The following KIF20B variants were observed in gnomAD, a reference collection of about 807,000 sequenced individuals.
The protein encoded by KIF20B is kinesin family member 20B, also known as kinesin-like protein KIF20B.
In KIF20B, 188 loss-of-function variants were observed where a neutral mutation model predicts 232.5. The observed-to-expected ratio is 0.81, with a 90% CI of 0.72 to 0.91. The LOEUF (loss-of-function observed/expected upper bound fraction) is 0.91. KIF20B is among the 40% of genes least tolerant of loss of function. The probability of loss-of-function intolerance (pLI) is 0.00; values close to 1 mark genes in which losing one functional copy is unlikely to be tolerated. For missense variants in KIF20B, 2,154 were observed against 2,055.9 expected (o/e 1.05, Z -0.92); for synonymous variants, 712 against 683.0 (o/e 1.04, Z -0.66).
chr10:89,745,782 C>G (rs780013759), intron 22 of KIF20B, 117 bp from the exon 23 acceptor site: 19 of 663,578 alleles, frequency 2.9e-5, no homozygotes, highest in Non-Finnish European at 4.5e-5. Context: ...AGCTGGTATA[C>G]CAGCTATATA....
At chr10:89,733,281 C>CT in intron 19 of KIF20B, 1 of 418,140 alleles carries the variant, frequency 2.4e-6, no homozygotes, top group Non-Finnish European at 4.3e-6. Context: ...TTTATTATTT[C>CT]TTTCGCAGTC....
At chr10:89,734,739 G>A (rs1589865253) in intron 19 of KIF20B, among the ~76,000 whole-genome samples, 1 of 152,300 alleles carries the variant, frequency 6.6e-6, no homozygotes, top group East Asian at 1.9e-4. Flanking sequence ...GAGCCTGTGA[G>A]AGGCAGGCTA....
At chr10:89,764,883 A>C (rs1234017439) in intron 29 of KIF20B, among the ~76,000 whole-genome samples, 1 of 151,982 alleles carries the variant, frequency 6.6e-6, no homozygotes, top group Non-Finnish European at 1.5e-5. Context: ...TTTGCTGTGC[A>C]GAAGCTCTTT....
intron 19 of KIF20B, among the ~76,000 whole-genome samples, chr10:89,735,535 CT>C (rs397947713): frequency 0.033 from 3,584 of 108,050 alleles, 104 homozygotes; most frequent in East Asian, 0.23. Context: ...TAGTAAGTGT[CT>C]TTTTTTTTTT....
chr10:89,737,899 A>G lies in KIF20B; in HGVS notation c.3058A>G (p.Asn1020Asp). 6.2e-7 allele frequency: 1 copy of G among 1,613,470 alleles called. No individual in the cohort carries two copies. Among genetic ancestry groups the G allele is most frequent in the Non-Finnish European group, 8.5e-7 (1 of 1,179,556 alleles). ...RDLSNGSEEDNLPNTQLDLLG... is the reference protein window; with the variant it reads ...RDLSNGSEEDDLPNTQLDLLG... ...TCTGTCAAATGGTTCTGAGGAGGAT[A>G]ATTTGCCAAATACACAGTTAGACCT... Residue 1020 changes from asparagine to aspartate, a missense_variant, in exon 20 of 33, where the codon AAT becomes GAT. By Grantham distance (23) the Asn-to-Asp change is conservative. Transcript: ENST00000371728.
At chr10:89,701,898 G>C (rs1842617990) in intron 1 of KIF20B, among the ~76,000 whole-genome samples, 1 of 152,136 alleles carries the variant, frequency 6.6e-6, no homozygotes, top group African/African-American at 2.4e-5. Context: ...TTTAAATCTC[G>C]CCTCCACTGC....
At chr10:89,772,155 T>C (rs1842476038) in intron 31 of KIF20B, among the ~76,000 whole-genome samples, 2 of 152,204 alleles carry the variant, frequency 1.3e-5, no homozygotes, top group African/African-American at 4.8e-5. Flanking sequence ...ACTATGTACA[T>C]AGTAAGGAAT....
At position 89,726,389 on chromosome 10, in the gene KIF20B, A is replaced by C. The variant is rs753225098; in HGVS notation, c.2098A>C (p.Ile700Leu). 1.9e-6 allele frequency: 3 copies of C among 1,576,330 alleles called. No individual in the cohort carries two copies. The highest frequency in any genetic ancestry group is 2.6e-6 in the Non-Finnish European group (3 of 1,158,598). The change falls in exon 16 of 33, where the codon ATT (isoleucine) becomes CTT (leucine). Residue 700 changes from isoleucine to leucine, a missense_variant. Transcript: ENST00000371728. ...ACAGGCTGAAATTGCTCACTTATAT[A>C]TTGCATCTCTTCCTGACCCCCAGGA... ...KKQAEIAHLY[I>L]ASLPDPQEAT...
At chr10:89,768,173 C>A in intron 29 of KIF20B, 117 bp from the exon 30 acceptor site, 1 of 669,992 alleles carries the variant, frequency 1.5e-6, no homozygotes, top group Non-Finnish European at 2.6e-6. Context: ...AAATTGCCCT[C>A]GGTTAAGAGT....
intron 25 of KIF20B, 49 bp downstream of exon 25, chr10:89,752,740 T>C (rs1348255461): frequency 7.6e-7 from 1 of 1,313,918 alleles, no homozygotes; most frequent in Non-Finnish European, 1.0e-6. Flanking sequence ...GTCTTCATTA[T>C]ATTTCTAATA....
chr10:89,766,990 T>C lies in KIF20B; in HGVS notation c.4990-1300T>C, dbSNP rs188397723. The stretch of plus-strand genomic sequence containing the variant: ...GAAGGTTAAAATATAAATATTTTAT[T>C]AATTTTACTATTGGCATATATCCCT... On this transcript the variant is annotated intron_variant, in intron 29 of 32. Transcript: ENST00000371728. Among the ~76,000 whole-genome samples, 7 of 152,062 alleles carry C rather than the reference T, an allele frequency of 4.6e-5. No homozygotes were observed. The East Asian group carries it at 1.4e-3, about 29-fold the overall frequency.
intron 7 of KIF20B, 133 bp downstream of exon 7, chr10:89,714,216 C>T: frequency 2.6e-6 from 1 of 391,656 alleles, no homozygotes. Flanking sequence ...CGCGGTGGCT[C>T]ATGCCTGTAA....
chr10:89,763,041 G>A (rs1842278708), intron 29 of KIF20B, among the ~76,000 whole-genome samples: 1 of 152,130 alleles, frequency 6.6e-6, no homozygotes, highest in Non-Finnish European at 1.5e-5. Context: ...CAGCACTTTG[G>A]GAGGCTGGGG....
chr10:89,738,000 C>T lies in KIF20B; in HGVS notation c.3159C>T (p.Phe1053=). 1.9e-6 allele frequency: 3 copies of T among 1,612,970 alleles called. No homozygotes were observed. Among genetic ancestry groups the T allele is most frequent in the Non-Finnish European group, 2.5e-6 (3 of 1,179,296 alleles). The part of the protein sequence containing the change: ...RIQEPNRENS[F]HSSIEAIWEE... ...AAGAACCCAATAGGGAAAATTCTTT[C>T]CACTCTAGTATTGAAGCTATTTGGG... Residue 1053 remains phenylalanine (F), a synonymous_variant, in exon 20 of 33, where the codon TTC becomes TTT. Coordinates refer to ENST00000371728, the MANE Select transcript of KIF20B (RefSeq NM_001284259.2).
At chr10:89,723,854 C>A in intron 13 of KIF20B, 110 bp from the exon 14 acceptor site, 2 of 892,990 alleles carry the variant, frequency 2.2e-6, no homozygotes, top group South Asian at 3.7e-5. Flanking sequence ...AAAAAGGACA[C>A]AGAATTACAA....
chr10:89,751,654 A>C (rs528010904), intron 24 of KIF20B, among the ~76,000 whole-genome samples, 183 bp downstream of exon 24: 12 of 135,618 alleles, frequency 8.8e-5, no homozygotes, highest in African/African-American at 3.6e-4. Flanking sequence ...TTTCACTAAA[A>C]TTATATGCAG....
intron 30 of KIF20B, 24 bp downstream of exon 30, chr10:89,768,415 A>G (rs756253393): frequency 5.3e-6 from 7 of 1,310,824 alleles, no homozygotes; most frequent in African/African-American, 3.0e-5. Flanking sequence ...TTTGTCCAAA[A>G]TTGTAGCAAT....
chr10:89,734,221 C>T (rs1215776238), intron 19 of KIF20B, among the ~76,000 whole-genome samples: 1 of 152,012 alleles, frequency 6.6e-6, no homozygotes, highest in African/African-American at 2.4e-5. Flanking sequence ...ACCAGCCTGA[C>T]CAACGTGATG....
In KIF20B at chr10:89,758,172, A is replaced by G. The variant is rs183274782; in HGVS notation, c.4504-534A>G. 1.7e-3 allele frequency among the ~76,000 whole-genome samples: 256 copies of G among 152,118 alleles called. 1 individual carries two copies. The highest frequency in any genetic ancestry group is 5.7e-3 in the African/African-American group (237 of 41,546). On this transcript the variant is annotated intron_variant, in intron 26 of 32. Transcript: ENST00000371728. ...TTGATAAAAACTGCTTTTACTCTCT[A>G]GATCTATTTGGAGGAGACATCTTAA... is the stretch of plus-strand genomic sequence containing the variant.
Sources: allele counts gnomAD v4.1 joint callset (sites outside exome capture counted in the v4.1 genomes callset), GRCh38; gene constraint gnomAD v4.1.1; transcripts MANE v1.5; gene names NCBI Gene and HGNC (gene_info 2026-07-23, HGNC 2026-07-21).